ATP2A2: variants seen among roughly 807,000 people sequenced by gnomAD.
ATP2A2 encodes the protein ATPase sarcoplasmic/endoplasmic reticulum Ca2+ transporting 2.
In ATP2A2, 14 loss-of-function variants were observed where a neutral mutation model predicts 109.3. The ratio of observed to expected loss-of-function variants is 0.13; its 90% CI spans 0.08 to 0.20. ATP2A2 has a LOEUF of 0.20. Among genes scored for constraint, ATP2A2 ranks in the 10% least tolerant of loss-of-function variants. The probability of loss-of-function intolerance (pLI) is 1.00; values close to 1 mark genes in which losing one functional copy is unlikely to be tolerated. For missense variants in ATP2A2, 657 were observed against 1,321.6 expected (o/e 0.50, Z 7.80); for synonymous variants, 506 against 490.9 (o/e 1.03, Z -0.41).
At position 110,342,901 on chromosome 12, in the gene ATP2A2, G is replaced by A. The variant is rs963442976; in HGVS notation, c.2319-331G>A. Among the ~76,000 whole-genome samples the A allele has an allele frequency of 6.6e-6, 1 of 152,016 alleles. No homozygotes were observed. Among genetic ancestry groups the A allele is most frequent in the Non-Finnish European group, 1.5e-5 (1 of 68,012 alleles). ...TTACAGGCATGCGCCACCACTCCCT[G>A]CCATTTTTTTGTGTTTTAGTAGAAA... is the stretch of plus-strand genomic sequence containing the variant. On this transcript the variant is annotated intron_variant, in intron 15 of 19. Transcript: ENST00000539276. The surrounding 1 kb of genome is among the most constrained non-coding windows in gnomAD (Gnocchi z 4.6).
chr12:110,309,875 C>T (rs1191097385), intron 5 of ATP2A2, among the ~76,000 whole-genome samples: 3 of 150,632 alleles, frequency 2.0e-5, no homozygotes, highest in Non-Finnish European at 4.4e-5. Context: ...AGCCACTGCA[C>T]TCCAGCGTGG....
chr12:110,296,534 C>T, intron 4 of ATP2A2, 65 bp from the exon 5 acceptor site: 13 of 1,600,134 alleles, frequency 8.1e-6, no homozygotes, highest in Non-Finnish European at 1.1e-5. Context: ...CATTTTATTC[C>T]TTGGGTTAGA....
In ATP2A2 at chr12:110,314,283, G is replaced by A. The variant is rs113955889; in HGVS notation, c.464-8709G>A. On this transcript the variant is annotated intron_variant, in intron 5 of 19. Coordinates refer to ENST00000539276, the MANE Select transcript of ATP2A2 (RefSeq NM_170665.4). ...GCAGAGTTTGTGCTGAGCTGATATCGTGCCATTGCACTCCAGCCTGGGCAG... is the reference window on the plus strand; with the variant it reads ...GCAGAGTTTGTGCTGAGCTGATATCATGCCATTGCACTCCAGCCTGGGCAG... 1.5e-3 allele frequency among the ~76,000 whole-genome samples: 225 copies of A among 150,632 alleles called. 1 individual carries two copies. The highest frequency in any genetic ancestry group is 5.2e-3 in the African/African-American group (211 of 40,928).
rs757806713 is a variant in ATP2A2, at chr12:110,349,066, C to T, written c.*2596C>T. On this transcript the variant is annotated 3_prime_UTR_variant, in exon 20 of 20. Coordinates refer to ENST00000539276, the MANE Select transcript of ATP2A2 (RefSeq NM_170665.4). ...CTCAGCTTCAGACCCCTCCAGCCCA[C>T]AGAGGAGCCCATGGAGGGACCCACT... is the stretch of plus-strand genomic sequence containing the variant. 7.1e-6 allele frequency: 7 copies of T among 985,510 alleles called. No individual in the cohort carries two copies. The highest frequency in any genetic ancestry group is 8.4e-6 in the Non-Finnish European group (7 of 829,990). 61.0% of individuals were successfully genotyped at this position (985,510 alleles called of 1,614,324 possible). A position where few individuals can be genotyped will look rare whatever the true frequency, so the allele number is the denominator to read the frequency against.
In ATP2A2 at chr12:110,350,385, CCTGTG is replaced by C; in HGVS notation, c.*3917_*3921del. 1 of 1,607,280 alleles carries C rather than the reference CCTGTG, an allele frequency of 6.2e-7. No individual in the cohort carries two copies. Among genetic ancestry groups the C allele is most frequent in the Non-Finnish European group, 8.5e-7 (1 of 1,173,980 alleles). ...CGTTTTTAGCAACACATCTACCAAC[CCTGTG>C]CATGACTGATGTTGGGGAAAAAGAA... On this transcript the variant is annotated 3_prime_UTR_variant, in exon 20 of 20. Coordinates refer to ENST00000539276, the MANE Select transcript of ATP2A2 (RefSeq NM_170665.4).
Position 110,349,031 on chromosome 12 carries a change from T to A in ATP2A2, c.*2561T>A. On this transcript the variant is annotated 3_prime_UTR_variant, in exon 20 of 20. Transcript: ENST00000539276. ...TGCTGTCGCACAGCCCCTAGTTAGC[T>A]TCATGGTTTCTCAGCTTCAGACCCC... 1.0e-6 allele frequency: 1 copy of A among 985,336 alleles called. No individual in the cohort carries two copies. The highest frequency in any genetic ancestry group is 1.2e-6 in the Non-Finnish European group (1 of 829,938). 61.0% of individuals were successfully genotyped at this position (985,336 alleles called of 1,614,324 possible).
intron 5 of ATP2A2, among the ~76,000 whole-genome samples, chr12:110,311,883 T>G (rs1876115075): frequency 6.7e-6 from 1 of 150,280 alleles, no homozygotes; most frequent in Admixed American, 6.6e-5. Context: ...ACAAAAAAAG[T>G]TTTAAAAACT....
At chr12:110,290,975 C>T (rs1252424953) in intron 3 of ATP2A2, among the ~76,000 whole-genome samples, 1 of 151,870 alleles carries the variant, frequency 6.6e-6, no homozygotes, top group African/African-American at 2.4e-5. Flanking sequence ...ATGGTGCGAT[C>T]TTGGCTCACC....
chr12:110,338,079 C>T (rs569493641), intron 11 of ATP2A2, among the ~76,000 whole-genome samples: 171 of 152,324 alleles, frequency 1.1e-3, no homozygotes, highest in Middle Eastern at 3.4e-3. Flanking sequence ...TACTTGCTCT[C>T]CCTCCCTGGC....
chr12:110,333,953 A>G (rs1878587133), intron 10 of ATP2A2, 59 bp from the exon 11 acceptor site: 1 of 1,609,034 alleles, frequency 6.2e-7, no homozygotes, highest in African/African-American at 1.3e-5. Flanking sequence ...AATATTAAAG[A>G]TAAATTTATC....
intron 6 of ATP2A2, chr12:110,325,793 G>C (rs1877736175): frequency 6.3e-6 from 1 of 159,764 alleles, no homozygotes. Context: ...AGACCACCCT[G>C]GGCAACATGG....
chr12:110,349,494 AG>A lies in ATP2A2; in HGVS notation c.*3025del. ...ACTGGGACACCACTCTGCAGAATGC[AG>A]ATGATCCATTCTGGAGGAAGCTGTC... On this transcript the variant is annotated 3_prime_UTR_variant, in exon 20 of 20. Transcript: ENST00000539276. 1.3e-5 allele frequency: 13 copies of A among 985,756 alleles called. No homozygotes were observed. Among genetic ancestry groups the A allele is most frequent in the Non-Finnish European group, 1.6e-5 (13 of 830,148 alleles). 61.1% of individuals were successfully genotyped at this position (985,756 alleles called of 1,614,324 possible).
intron 4 of ATP2A2, among the ~76,000 whole-genome samples, chr12:110,293,759 A>G (rs1873613351): frequency 6.6e-6 from 1 of 150,440 alleles, no homozygotes; most frequent in South Asian, 2.1e-4. Flanking sequence ...AATAAATGTT[A>G]ACGATCTTTA....
chr12:110,344,818 C>G, intron 16 of ATP2A2, 68 bp from the exon 17 acceptor site: 1 of 1,487,758 alleles, frequency 6.7e-7, no homozygotes, highest in Non-Finnish European at 9.4e-7. Context: ...GGGGACTGGC[C>G]TGCATGGCCT....
chr12:110,315,874 G>A (rs1592831127), intron 5 of ATP2A2, among the ~76,000 whole-genome samples: 1 of 152,338 alleles, frequency 6.6e-6, no homozygotes, highest in Middle Eastern at 3.4e-3. Context: ...AGGAGGCGGG[G>A]GTTGCAGTGA....
intron 4 of ATP2A2, among the ~76,000 whole-genome samples, chr12:110,293,163 C>T (rs758877901): frequency 1.1e-4 from 16 of 151,982 alleles, no homozygotes; most frequent in Admixed American, 5.9e-4. Flanking sequence ...CTGCAACCTC[C>T]GCCTCCCAGG....
At chr12:110,344,052 G>A (rs1386530899) in intron 16 of ATP2A2, among the ~76,000 whole-genome samples, 4 of 152,130 alleles carry the variant, frequency 2.6e-5, no homozygotes, top group Admixed American at 2.6e-4. Context: ...TGGCGTTGAG[G>A]TGCTCATGTA....
intron 5 of ATP2A2, among the ~76,000 whole-genome samples, chr12:110,297,627 T>C (rs975357402): frequency 6.6e-6 from 1 of 151,794 alleles, no homozygotes; most frequent in Non-Finnish European, 1.5e-5. Flanking sequence ...TTGTTTTGTT[T>C]TGTTTTTTGA....
At chr12:110,312,707 G>A (rs1382817830) in intron 5 of ATP2A2, among the ~76,000 whole-genome samples, 4 of 151,900 alleles carry the variant, frequency 2.6e-5, no homozygotes, top group South Asian at 2.1e-4. Flanking sequence ...AAAATTACCC[G>A]GGTGTGGTGG....
Sources: allele counts gnomAD v4.1 joint callset (sites outside exome capture counted in the v4.1 genomes callset), GRCh38; gene constraint gnomAD v4.1.1; non-coding constraint Gnocchi (gnomAD v3.1); transcripts MANE v1.5; gene names NCBI Gene and HGNC (gene_info 2026-07-23, HGNC 2026-07-21).